Variants in DLC1 observed in about 807,000 individuals in gnomAD.
DLC1 encodes the protein DLC1 Rho GTPase activating protein.
In DLC1, 54 loss-of-function variants were observed where a neutral mutation model predicts 140.3. That is an observed-to-expected ratio of 0.38 (90% CI 0.31 to 0.48). The LOEUF is 0.48. DLC1 is among the 20% of genes least tolerant of loss of function. DLC1 has a pLI of 0.96. For synonymous variants in DLC1, 986 were observed against 728.1 expected (o/e 1.35, Z -5.70); for missense variants, 2,536 against 1,907.0 (o/e 1.33, Z -6.14).
At chr8:13,124,408 G>A (rs962209110) in intron 5 of DLC1, among the ~76,000 whole-genome samples, 2 of 152,222 alleles carry the variant, frequency 1.3e-5, no homozygotes, top group African/African-American at 4.8e-5. Flanking sequence ...GAGGAATGCA[G>A]TCTGGATTTA....
At chr8:13,306,043 T>C (rs1238989111) in intron 4 of DLC1, among the ~76,000 whole-genome samples, 3 of 152,200 alleles carry the variant, frequency 2.0e-5, no homozygotes, top group Non-Finnish European at 4.4e-5. Flanking sequence ...CTCAGGTTCC[T>C]TCTTTATTAA....
chr8:13,455,824 T>A (rs1269860896), intron 2 of DLC1, among the ~76,000 whole-genome samples: 1 of 152,126 alleles, frequency 6.6e-6, no homozygotes, highest in African/African-American at 2.4e-5. Flanking sequence ...TGCAATGAGC[T>A]ATGACCATGC....
chr8:13,500,653 C>T (rs1323044087), intron 1 of DLC1, among the ~76,000 whole-genome samples: 2 of 152,176 alleles, frequency 1.3e-5, no homozygotes, highest in Admixed American at 6.5e-5. Context: ...TCATGCAAAA[C>T]TTGAGCTATA....
chr8:13,572,328 A>T (rs868106389), intron 1 of DLC1, among the ~76,000 whole-genome samples: 43 of 151,964 alleles, frequency 2.8e-4, no homozygotes, highest in African/African-American at 1.0e-3. Flanking sequence ...TGACCTTGTG[A>T]TCCACCTGCC....
chr8:13,327,454 T>A (rs184607398), intron 4 of DLC1, among the ~76,000 whole-genome samples: 8 of 151,416 alleles, frequency 5.3e-5, no homozygotes, highest in African/African-American at 1.9e-4. Flanking sequence ...TTTTATTTTT[T>A]AATTTTTTAT....
intron 1 of DLC1, among the ~76,000 whole-genome samples, chr8:13,580,002 A>G (rs1037237712): frequency 1.3e-5 from 2 of 152,218 alleles, no homozygotes; most frequent in African/African-American, 4.8e-5. Flanking sequence ...CTCCAGGCAC[A>G]TGAGTTAATC....
At chr8:13,410,605 A>G (rs1323597321) in intron 2 of DLC1, among the ~76,000 whole-genome samples, 1 of 152,164 alleles carries the variant, frequency 6.6e-6, no homozygotes, top group African/African-American at 2.4e-5. Context: ...AAAAAAGACT[A>G]TAAAATACCT....
At chr8:13,553,304 G>T (rs1803930407) in intron 1 of DLC1, among the ~76,000 whole-genome samples, 1 of 137,896 alleles carries the variant, frequency 7.3e-6, no homozygotes, top group Non-Finnish European at 1.5e-5. Flanking sequence ...TCCTATATAA[G>T]GCCAATTTCT....
At chr8:13,250,754 GA>G (rs1829969370) in intron 5 of DLC1, among the ~76,000 whole-genome samples, 1 of 150,486 alleles carries the variant, frequency 6.6e-6, no homozygotes, top group Non-Finnish European at 1.5e-5. Context: ...CTATTAATGA[GA>G]AAAAAAGAAA....
At chr8:13,533,426 C>T (rs1803167120) in intron 1 of DLC1, among the ~76,000 whole-genome samples, 1 of 152,084 alleles carries the variant, frequency 6.6e-6, no homozygotes. Context: ...CTTATTTGGA[C>T]CCCAGTTTTC....
chr8:13,292,031 T>A (rs183865472), intron 5 of DLC1, among the ~76,000 whole-genome samples: 5 of 152,028 alleles, frequency 3.3e-5, no homozygotes, highest in Non-Finnish European at 1.5e-5. Context: ...CTAACGAAAC[T>A]GACTTTGCTG....
chr8:13,178,919 A>T (rs559939365), intron 5 of DLC1, among the ~76,000 whole-genome samples: 1 of 152,306 alleles, frequency 6.6e-6, no homozygotes, highest in African/African-American at 2.4e-5. Flanking sequence ...TACACCGAAT[A>T]CCAATTTACC....
At chr8:13,435,190 A>G (rs289617) in intron 2 of DLC1, among the ~76,000 whole-genome samples, 4,927 of 152,300 alleles carry the variant, frequency 0.032, 262 homozygotes, top group African/African-American at 0.11. Flanking sequence ...ATCCTCATGG[A>G]TGACTTTGAG....
At chr8:13,521,188 G>A (rs1300321215) in intron 1 of DLC1, among the ~76,000 whole-genome samples, 1 of 152,008 alleles carries the variant, frequency 6.6e-6, no homozygotes. Flanking sequence ...ACTCATAAAA[G>A]GGAGCTGAAC....
chr8:13,522,114 C>T (rs1160019863), intron 1 of DLC1, among the ~76,000 whole-genome samples: 1 of 152,136 alleles, frequency 6.6e-6, no homozygotes, highest in Admixed American at 6.5e-5. Flanking sequence ...CTTCCACCCG[C>T]TCCAAAAGGT....
At chr8:13,252,550 A>G (rs1830055128) in intron 5 of DLC1, among the ~76,000 whole-genome samples, 1 of 152,210 alleles carries the variant, frequency 6.6e-6, no homozygotes, top group Admixed American at 6.5e-5. Context: ...ACTGTATTCT[A>G]CCTTGCTCAG....
chr8:13,127,402 C>G (rs976425505), intron 5 of DLC1, among the ~76,000 whole-genome samples: 1 of 152,326 alleles, frequency 6.6e-6, no homozygotes, highest in East Asian at 1.9e-4. Flanking sequence ...TCCAGGCTGC[C>G]TTTGCCAAGT....
chr8:13,576,281 T>G (rs1465547605), intron 1 of DLC1, among the ~76,000 whole-genome samples: 1 of 152,186 alleles, frequency 6.6e-6, no homozygotes, highest in African/African-American at 2.4e-5. Flanking sequence ...GAGAAGAGAT[T>G]GCTAAAGCCT....
intron 5 of DLC1, among the ~76,000 whole-genome samples, chr8:13,156,799 A>C (rs933752694): frequency 3.3e-5 from 5 of 152,232 alleles, no homozygotes; most frequent in Non-Finnish European, 7.3e-5. Context: ...CCTAATAACT[A>C]CTAGATTTAT....
Sources: allele counts gnomAD v4.1 joint callset (sites outside exome capture counted in the v4.1 genomes callset), GRCh38; gene constraint gnomAD v4.1.1; transcripts MANE v1.5; gene names NCBI Gene and HGNC (gene_info 2026-07-23, HGNC 2026-07-21).